Variants in DOCK5 observed in about 807,000 individuals in gnomAD.
The protein encoded by DOCK5 is dedicator of cytokinesis protein 5.
A neutral mutation model predicts 251.8 loss-of-function variants in DOCK5; 142 were observed. The observed-to-expected ratio is 0.56, with a 90% confidence interval of 0.49 to 0.65. DOCK5 has a LOEUF of 0.65. DOCK5 is among the 30% of genes least tolerant of loss of function. DOCK5 has a pLI of 0.00. For missense variants in DOCK5, 2,111 were observed against 2,312.3 expected (o/e 0.91, Z 1.79); for synonymous variants, 842 against 835.5 (o/e 1.01, Z -0.13).
intron 30 of DOCK5, among the ~76,000 whole-genome samples, chr8:25,365,920 G>T: frequency 6.6e-6 from 1 of 152,130 alleles, no homozygotes; most frequent in East Asian, 1.9e-4. Context: ...ACATATAGAT[G>T]AATATATATT....
At chr8:25,190,932 C>T (rs1361491286) in intron 1 of DOCK5, among the ~76,000 whole-genome samples, 1 of 151,746 alleles carries the variant, frequency 6.6e-6, no homozygotes, top group African/African-American at 2.4e-5. Context: ...TACAGGCGCC[C>T]GCCACTGCGC....
chr8:25,292,891 G>A (rs564946969), intron 6 of DOCK5, among the ~76,000 whole-genome samples: 4 of 152,210 alleles, frequency 2.6e-5, no homozygotes, highest in South Asian at 4.2e-4. Flanking sequence ...CCCCCTAACC[G>A]GGACCATTGT....
rs779698323 is a variant in DOCK5 at position 25,332,584 on chromosome 8, C to T, written c.2002-19C>T. 13 of 1,589,776 alleles carry T rather than the reference C, an allele frequency of 8.2e-6. No individual in the cohort carries two copies. The highest frequency in any genetic ancestry group is 1.1e-5 in the South Asian group (1 of 88,444). ...GAATGAAAGCATCAAAATAACCTCT[C>T]CGTTTTTCTTATCTTCAGTTTTTGC... On this transcript the variant is annotated intron_variant, in intron 19 of 51. Coordinates refer to ENST00000276440, the MANE Select transcript of DOCK5 (RefSeq NM_024940.8).
intron 47 of DOCK5, among the ~76,000 whole-genome samples, chr8:25,401,787 A>G (rs539082280): frequency 1.3e-5 from 2 of 152,280 alleles, no homozygotes; most frequent in Non-Finnish European, 1.5e-5. Flanking sequence ...AATCCTAGAC[A>G]CTGGTTATTC....
At chr8:25,287,966 A>G (rs992207961) in intron 5 of DOCK5, among the ~76,000 whole-genome samples, 2 of 148,584 alleles carry the variant, frequency 1.3e-5, no homozygotes, top group African/African-American at 2.5e-5. Context: ...GCTTGCAGCA[A>G]CCTCTGCCTC....
At chr8:25,392,092 A>C (rs1466653263) in intron 43 of DOCK5, 112 bp downstream of exon 43, 2 of 998,056 alleles carry the variant, frequency 2.0e-6, no homozygotes, top group African/African-American at 1.6e-5. Context: ...TCACGAAGTC[A>C]AGAGATCGAG....
intron 6 of DOCK5, 113 bp downstream of exon 6, chr8:25,292,285 C>T: frequency 8.4e-7 from 1 of 1,187,464 alleles, no homozygotes; most frequent in East Asian, 2.7e-5. Flanking sequence ...AAGAATAATG[C>T]TTACTGCTCT....
intron 39 of DOCK5, among the ~76,000 whole-genome samples, chr8:25,382,088 A>G (rs1361565942): frequency 6.6e-6 from 1 of 152,120 alleles, no homozygotes; most frequent in East Asian, 1.9e-4. Context: ...GTCATAGCCC[A>G]CTGCAACCTT....
chr8:25,184,889 C>A lies in DOCK5; in HGVS notation c.-20C>A. ...CTGTAGCAGCCTTAGTCGCCGCCGC[C>A]GCGGGGCGAGGTCGCCGCCATGGCC... On this transcript the variant is annotated 5_prime_UTR_variant, in exon 1 of 52. Coordinates refer to ENST00000276440, the MANE Select transcript of DOCK5 (RefSeq NM_024940.8). 2.2e-6 allele frequency: 3 copies of A among 1,386,708 alleles called. No homozygotes were observed. The highest frequency in any genetic ancestry group is 2.8e-6 in the Non-Finnish European group (3 of 1,062,976). 85.9% of individuals were successfully genotyped at this position (1,386,708 alleles called of 1,614,324 possible). A position where few individuals can be genotyped will look rare whatever the true frequency, so the allele number is the denominator to read the frequency against.
chr8:25,311,888 A>G (rs530847639), intron 13 of DOCK5, among the ~76,000 whole-genome samples: 92 of 151,252 alleles, frequency 6.1e-4, no homozygotes, highest in African/African-American at 2.2e-3. Flanking sequence ...CACCACTGCA[A>G]CCCAGCCTGG....
chr8:25,410,041 C>T, intron 50 of DOCK5, 58 bp from the exon 51 acceptor site: 8 of 1,446,294 alleles, frequency 5.5e-6, no homozygotes, highest in Non-Finnish European at 7.6e-6. Context: ...AGCAACATTT[C>T]CATGAGCTTC....
chr8:25,296,735 C>T, intron 7 of DOCK5, 87 bp downstream of exon 7: 3 of 1,523,758 alleles, frequency 2.0e-6, no homozygotes, highest in Non-Finnish European at 2.7e-6. Context: ...TCATTGAGAA[C>T]AAAACTACTT....
chr8:25,295,264 C>A (rs1804589551), intron 6 of DOCK5, among the ~76,000 whole-genome samples: 1 of 151,686 alleles, frequency 6.6e-6, no homozygotes, highest in African/African-American at 2.4e-5. Context: ...CATAGCAAGA[C>A]CCCATCTCTA....
At chr8:25,239,422 C>T (rs972198809) in intron 1 of DOCK5, among the ~76,000 whole-genome samples, 1 of 151,212 alleles carries the variant, frequency 6.6e-6, no homozygotes, top group Non-Finnish European at 1.5e-5. Flanking sequence ...GTGCAAGGTG[C>T]TGCCTTTGAG....
intron 44 of DOCK5, among the ~76,000 whole-genome samples, chr8:25,394,608 A>G (rs535316098): frequency 6.6e-6 from 1 of 152,224 alleles, no homozygotes; most frequent in Admixed American, 6.5e-5. Context: ...GGTGGTTCAG[A>G]AGTGACTCAG....
At position 25,368,742 on chromosome 8, in the gene DOCK5, C is replaced by A. The variant is rs763235500; in HGVS notation, c.3438+17C>A. ...TTCCATATGGTAAGAAGTGGCAGAC[C>A]GCGTAATATTAGTAAATGGACATAT... On this transcript the variant is annotated intron_variant, in intron 33 of 51. Transcript: ENST00000276440. 1.9e-6 allele frequency: 3 copies of A among 1,607,208 alleles called. No individual in the cohort carries two copies. Among genetic ancestry groups the A allele is most frequent in the Admixed American group, 3.4e-5 (2 of 59,212 alleles).
chr8:25,286,679 T>A (rs1563338542), intron 5 of DOCK5, among the ~76,000 whole-genome samples: 1 of 152,000 alleles, frequency 6.6e-6, no homozygotes, highest in African/African-American at 2.4e-5. Flanking sequence ...TTTTTTGTTT[T>A]CAGAGATAGG....
intron 36 of DOCK5, 72 bp from the exon 37 acceptor site, chr8:25,374,492 G>A: frequency 7.1e-7 from 1 of 1,404,722 alleles, no homozygotes; most frequent in Non-Finnish European, 9.7e-7. Context: ...GCAAGACCCT[G>A]TCTCAAAACA....
chr8:25,329,414 AAGTATAC>A (rs1467022158), intron 18 of DOCK5, among the ~76,000 whole-genome samples: 1 of 152,198 alleles, frequency 6.6e-6, no homozygotes, highest in African/African-American at 2.4e-5. Flanking sequence ...AGCAATTTTC[AAGTATAC>A]AGTATACAGT....
Sources: allele counts gnomAD v4.1 joint callset (sites outside exome capture counted in the v4.1 genomes callset), GRCh38; gene constraint gnomAD v4.1.1; transcripts MANE v1.5; gene names NCBI Gene and HGNC (gene_info 2026-07-23, HGNC 2026-07-21).